Variants in FBXL13 observed in about 807,000 individuals in gnomAD.
FBXL13 encodes F-box and leucine-rich repeat protein 13.
A neutral mutation model predicts 83.6 loss-of-function variants in FBXL13; 67 were observed. The ratio of observed to expected loss-of-function variants is 0.80; its 90% CI spans 0.66 to 0.98. The LOEUF is 0.98. Among genes scored for constraint, FBXL13 ranks in the 50% least tolerant of loss-of-function variants. The pLI, the probability that FBXL13 is intolerant of heterozygous loss-of-function variation, is 0.00. For synonymous variants in FBXL13, 272 were observed against 299.5 expected (o/e 0.91, Z 0.95); for missense variants, 822 against 866.5 (o/e 0.95, Z 0.64).
chr7:102,849,559 G>C (rs990940417), intron 17 of FBXL13, among the ~76,000 whole-genome samples: 2 of 152,172 alleles, frequency 1.3e-5, no homozygotes, highest in African/African-American at 4.8e-5. Context: ...TCTAAGTAAC[G>C]AGAGAGCATT....
Position 102,942,833 on chromosome 7 carries a change from C to T in FBXL13, c.725-10900G>A, listed in dbSNP as rs1052818741. Among the ~76,000 whole-genome samples, 6 of 151,960 alleles carry T rather than the reference C, an allele frequency of 3.9e-5. No homozygotes were observed. In the East Asian group the frequency reaches 5.8e-4, roughly 15 times the overall value. On this transcript the variant is annotated intron_variant, in intron 8 of 19. Coordinates refer to ENST00000313221, the Ensembl canonical transcript of FBXL13. The stretch of plus-strand genomic sequence containing the variant: ...ATATTTTCCTAATTCAAAATAAGGA[C>T]GCTATGCTCTACAAGAGTATTTTAA...
At chr7:102,825,840 C>T (rs566126360) in intron 18 of FBXL13, among the ~76,000 whole-genome samples, 5 of 152,246 alleles carry the variant, frequency 3.3e-5, no homozygotes, top group Non-Finnish European at 2.9e-5. Context: ...GATTTGAATT[C>T]CCCAGCTCTG....
At chr7:102,884,839 G>A (rs926218784) in intron 11 of FBXL13, among the ~76,000 whole-genome samples, 5 of 152,070 alleles carry the variant, frequency 3.3e-5, no homozygotes, top group African/African-American at 9.7e-5. Context: ...TCGGTGTCCT[G>A]TCTCCATAAA....
intron 8 of FBXL13, among the ~76,000 whole-genome samples, chr7:102,950,001 G>A (rs182417489): frequency 9.9e-5 from 15 of 152,258 alleles, no homozygotes; most frequent in Non-Finnish European, 1.3e-4. Flanking sequence ...ACCTACTCAG[G>A]AGACTGAGGC....
At chr7:103,050,713 A>C (rs1202795724) in intron 2 of FBXL13, among the ~76,000 whole-genome samples, 1 of 152,104 alleles carries the variant, frequency 6.6e-6, no homozygotes, top group Non-Finnish European at 1.5e-5. Flanking sequence ...ACACTGAAAA[A>C]TTCAGGCGGC....
intron 11 of FBXL13, among the ~76,000 whole-genome samples, chr7:102,898,810 C>A (rs1335765906): frequency 1.3e-5 from 2 of 152,132 alleles, no homozygotes; most frequent in Admixed American, 6.5e-5. Context: ...TGGTGAGAAA[C>A]CTTCACAACT....
chr7:102,871,463 G>A (rs978625234), intron 16 of FBXL13, among the ~76,000 whole-genome samples: 2 of 151,730 alleles, frequency 1.3e-5, no homozygotes, highest in Non-Finnish European at 2.9e-5. Flanking sequence ...TCGGCTCACT[G>A]CAGGCTTGAC....
At chr7:102,822,683 T>G (rs1203575267) in intron 18 of FBXL13, among the ~76,000 whole-genome samples, 1 of 152,238 alleles carries the variant, frequency 6.6e-6, no homozygotes, top group East Asian at 1.9e-4. Flanking sequence ...TTCACCCAGC[T>G]TGTCACATAA....
rs200788357 is a variant in FBXL13 at position 102,813,334 on chromosome 7, G to T, written c.*8C>A. On this transcript the variant is annotated 3_prime_UTR_variant, in exon 20 of 20. Transcript: ENST00000313221. ...TGATTTTTTGTTCTTCCTGCTTGAG[G>T]CTGAAGGTCACGCTGCTTGGTCTTC... 9.3e-4 allele frequency: 1,489 copies of T among 1,595,402 alleles called. 27 individuals carry two copies. The South Asian group carries it at 0.013, about 14-fold the overall frequency.
At chr7:102,953,361 A>G (rs1823718317) in intron 8 of FBXL13, among the ~76,000 whole-genome samples, 1 of 152,150 alleles carries the variant, frequency 6.6e-6, no homozygotes, top group South Asian at 2.1e-4. Flanking sequence ...AACAGACGAA[A>G]AAAAAAATCA....
chr7:102,936,682 A>C (rs1314921638), intron 8 of FBXL13, among the ~76,000 whole-genome samples: 2 of 152,312 alleles, frequency 1.3e-5, no homozygotes, highest in Non-Finnish European at 2.9e-5. Flanking sequence ...TGAGGCTCTA[A>C]CCTCAAGCTA....
chr7:103,018,538 A>C (rs993041325), intron 6 of FBXL13, among the ~76,000 whole-genome samples: 2 of 152,226 alleles, frequency 1.3e-5, no homozygotes, highest in Non-Finnish European at 2.9e-5. Context: ...CAAATTGGAT[A>C]AAGACTCAAG....
chr7:102,962,829 T>G, intron 8 of FBXL13, among the ~76,000 whole-genome samples: 3 of 146,398 alleles, frequency 2.0e-5, no homozygotes, highest in Admixed American at 6.9e-5. Flanking sequence ...CTGGGGACTG[T>G]TGTGGGGTGG....
intron 11 of FBXL13, 118 bp from the exon 13 acceptor site, chr7:102,884,430 A>C (rs2129459191): frequency 2.8e-6 from 2 of 708,370 alleles, no homozygotes; most frequent in Non-Finnish European, 4.9e-6. Context: ...TAACCATAAA[A>C]TGTGGCAGAC....
intron 11 of FBXL13, chr7:102,912,875 TTGTC>T (rs1815021116): frequency 5.6e-6 from 3 of 539,922 alleles, no homozygotes; most frequent in Non-Finnish European, 9.5e-6. Flanking sequence ...CTCTGCCTGT[TTGTC>T]TGTGTGACAC....
intron 1 of FBXL13, among the ~76,000 whole-genome samples, chr7:103,068,535 G>T (rs529492450): frequency 6.6e-6 from 1 of 152,264 alleles, no homozygotes; most frequent in African/African-American, 2.4e-5. Flanking sequence ...ATTTAAAAAA[G>T]ATATTGGCGA....
chr7:102,961,655 A>G (rs1190007986), intron 8 of FBXL13, among the ~76,000 whole-genome samples: 1 of 151,928 alleles, frequency 6.6e-6, no homozygotes, highest in Non-Finnish European at 1.5e-5. Context: ...CCAATGGAAC[A>G]GAACAGAGCC....
At chr7:103,052,095 A>G (rs1441230766) in intron 2 of FBXL13, among the ~76,000 whole-genome samples, 1 of 152,238 alleles carries the variant, frequency 6.6e-6, no homozygotes, top group Non-Finnish European at 1.5e-5. Flanking sequence ...AAACCCTGCA[A>G]TTAGGCAATC....
chr7:102,948,041 T>A lies in FBXL13; in HGVS notation c.724+15492A>T, dbSNP rs1239137748. Among the ~76,000 whole-genome samples the A allele has an allele frequency of 2.6e-5, 4 of 151,960 alleles. No homozygotes were observed. In the East Asian group the frequency reaches 7.8e-4, roughly 29 times the overall value. On this transcript the variant is annotated intron_variant, in intron 8 of 19. Coordinates refer to ENST00000313221, the Ensembl canonical transcript of FBXL13. ...TCTCCTGCTCTGGCAAATTGGCAAATCAAAGGGATTCAGTAATGAGGATCT... is the reference window on the plus strand; with the variant it reads ...TCTCCTGCTCTGGCAAATTGGCAAAACAAAGGGATTCAGTAATGAGGATCT...
Sources: allele counts gnomAD v4.1 joint callset (sites outside exome capture counted in the v4.1 genomes callset), GRCh38; gene constraint gnomAD v4.1.1; transcripts MANE v1.5; gene names NCBI Gene and HGNC (gene_info 2026-07-23, HGNC 2026-07-21).